Variants in UNC5D observed in about 807,000 individuals in gnomAD.
UNC5D encodes the protein netrin receptor UNC5D.
In UNC5D, 39 loss-of-function variants were observed where a neutral mutation model predicts 105.4. The ratio of observed to expected loss-of-function variants is 0.37; its 90% CI spans 0.29 to 0.48. UNC5D has a LOEUF of 0.48. Ranked by LOEUF, UNC5D falls within the 20% of genes least tolerant of loss-of-function variation. The pLI is 0.98. For missense variants in UNC5D, 991 were observed against 1,202.4 expected (o/e 0.82, Z 2.60); for synonymous variants, 452 against 450.4 (o/e 1.00, Z -0.04).
At chr8:35,588,275 A>G (rs1357364879) in intron 3 of UNC5D, among the ~76,000 whole-genome samples, 3 of 152,156 alleles carry the variant, frequency 2.0e-5, no homozygotes, top group Non-Finnish European at 4.4e-5. Context: ...CTTAGGAAAG[A>G]GAGGTAGCTA....
At chr8:35,385,003 T>C (rs1246621659) in intron 1 of UNC5D, among the ~76,000 whole-genome samples, 1 of 152,204 alleles carries the variant, frequency 6.6e-6, no homozygotes, top group Non-Finnish European at 1.5e-5. Flanking sequence ...TACCGTGTGT[T>C]GAAATTATAC....
intron 1 of UNC5D, among the ~76,000 whole-genome samples, chr8:35,429,522 TTTA>T (rs1179681669): frequency 1.2e-4 from 18 of 152,304 alleles, no homozygotes; most frequent in Non-Finnish European, 2.5e-4. Context: ...TGTTTTGTAT[TTTA>T]TTATATCATC....
chr8:35,688,819 C>T (rs745773044), intron 7 of UNC5D, among the ~76,000 whole-genome samples: 6 of 152,220 alleles, frequency 3.9e-5, no homozygotes, highest in Non-Finnish European at 8.8e-5. Context: ...GAAAACTACA[C>T]ATGGCCAGTG....
chr8:35,741,591 T>C (rs1020673589), intron 11 of UNC5D, among the ~76,000 whole-genome samples: 4 of 152,178 alleles, frequency 2.6e-5, no homozygotes, highest in African/African-American at 9.7e-5. Context: ...TTAATACACA[T>C]GTTACTCAGA....
chr8:35,415,905 C>G (rs373450228), intron 1 of UNC5D, among the ~76,000 whole-genome samples: 1 of 152,046 alleles, frequency 6.6e-6, no homozygotes, highest in African/African-American at 2.4e-5. Context: ...TCTGAAAGAC[C>G]TGAGTTTGAT....
intron 1 of UNC5D, among the ~76,000 whole-genome samples, chr8:35,519,849 C>G (rs757480037): frequency 2.0e-5 from 3 of 152,020 alleles, no homozygotes; most frequent in African/African-American, 4.8e-5. Flanking sequence ...TGAGGGAAAT[C>G]AAAACTGTAC....
intron 1 of UNC5D, among the ~76,000 whole-genome samples, chr8:35,506,969 T>C (rs1205828208): frequency 1.3e-5 from 2 of 152,174 alleles, no homozygotes; most frequent in Non-Finnish European, 2.9e-5. Flanking sequence ...TTAAAAATTA[T>C]GTTTGACAAA....
At chr8:35,761,965 C>T (rs909969470) in intron 14 of UNC5D, among the ~76,000 whole-genome samples, 2 of 152,156 alleles carry the variant, frequency 1.3e-5, no homozygotes, top group South Asian at 4.1e-4. Context: ...TAGGAACTAA[C>T]AGGGCCTATT....
intron 2 of UNC5D, among the ~76,000 whole-genome samples, chr8:35,554,876 A>G (rs1816427232): frequency 6.6e-6 from 1 of 152,106 alleles, no homozygotes; most frequent in African/African-American, 2.4e-5. Context: ...CAGGGACCTC[A>G]TTGTGTGTGA....
intron 4 of UNC5D, among the ~76,000 whole-genome samples, chr8:35,661,512 T>C (rs1339518656): frequency 6.6e-6 from 1 of 152,184 alleles, no homozygotes; most frequent in Admixed American, 6.6e-5. Flanking sequence ...AACACTGATA[T>C]CTGCAATGAT....
chr8:35,595,525 A>G, intron 3 of UNC5D, 29 bp from the exon 4 acceptor site: 2 of 1,606,080 alleles, frequency 1.2e-6, no homozygotes, highest in Non-Finnish European at 1.7e-6. Flanking sequence ...CTTGAAACAA[A>G]GTGTCACCTA....
chr8:35,431,778 T>C (rs1585828816), intron 1 of UNC5D, among the ~76,000 whole-genome samples: 1 of 152,130 alleles, frequency 6.6e-6, no homozygotes, highest in Admixed American at 6.5e-5. Context: ...TAGTTTTCAG[T>C]CTATATTTCG....
intron 1 of UNC5D, among the ~76,000 whole-genome samples, chr8:35,416,435 A>T (rs896523249): frequency 6.6e-6 from 1 of 152,220 alleles, no homozygotes; most frequent in Admixed American, 6.5e-5. Context: ...ACACATTTAA[A>T]TCTGGCATTT....
chr8:35,327,092 G>A (rs1654130034), intron 1 of UNC5D, among the ~76,000 whole-genome samples: 2 of 152,132 alleles, frequency 1.3e-5, no homozygotes. Flanking sequence ...AAAGCACCGA[G>A]GGTACATTGC....
chr8:35,538,919 G>A (rs893632020), intron 1 of UNC5D, among the ~76,000 whole-genome samples: 2 of 152,056 alleles, frequency 1.3e-5, no homozygotes, highest in African/African-American at 2.4e-5. Flanking sequence ...GCAATTTTAT[G>A]TGTAGAATTG....
intron 1 of UNC5D, 102 bp downstream of exon 1, chr8:35,235,989 C>T (rs944081229): frequency 3.8e-6 from 4 of 1,053,142 alleles, no homozygotes; most frequent in Non-Finnish European, 4.8e-6. Flanking sequence ...AACTTGCGCC[C>T]TGCACCTCGG....
chr8:35,282,908 T>C (rs1585489785), intron 1 of UNC5D, among the ~76,000 whole-genome samples: 2 of 152,228 alleles, frequency 1.3e-5, no homozygotes, highest in Non-Finnish European at 2.9e-5. Flanking sequence ...GGATTCTCTC[T>C]TTTTTTGGGC....
At chr8:35,605,547 G>A (rs1252047951) in intron 4 of UNC5D, among the ~76,000 whole-genome samples, 1 of 152,158 alleles carries the variant, frequency 6.6e-6, no homozygotes, top group African/African-American at 2.4e-5. Flanking sequence ...TGTGTGCTGG[G>A]AGAACCACTA....
intron 4 of UNC5D, among the ~76,000 whole-genome samples, chr8:35,602,823 T>C (rs1203230226): frequency 6.6e-6 from 1 of 151,106 alleles, no homozygotes; most frequent in East Asian, 2.0e-4. Context: ...CTGCACCCAC[T>C]AACTCATCAT....
Sources: gnomAD v4.1 joint callset for allele counts (sites outside exome capture counted in the v4.1 genomes callset) on GRCh38, gnomAD v4.1.1 for gene constraint, MANE v1.5 for transcripts, NCBI Gene and HGNC (gene_info 2026-07-23, HGNC 2026-07-21) for gene names.